The following ZNF430 variants were observed in gnomAD, a reference collection of about 807,000 sequenced individuals.
ZNF430 encodes zinc finger protein 430.
ZNF430 carries 35 observed loss-of-function variants against 56.7 expected under a neutral mutation model. The ratio of observed to expected loss-of-function variants is 0.62; its 90% CI spans 0.47 to 0.82. ZNF430 has a LOEUF of 0.82. Ranked by LOEUF, ZNF430 falls within the 40% of genes least tolerant of loss-of-function variation. The pLI is 0.00. For synonymous variants in ZNF430, 212 were observed against 224.3 expected, an observed-to-expected ratio of 0.94 and a Z score of 0.49; for missense variants, 574 against 661.0, an observed-to-expected ratio of 0.87 and a Z score of 1.44.
At chr19:21,048,618 A>T (rs1968225168) in intron 4 of ZNF430, among the ~76,000 whole-genome samples, 1 of 152,124 alleles carries the variant, frequency 6.6e-6, no homozygotes, top group Non-Finnish European at 1.5e-5. Flanking sequence ...TGATTTCTCT[A>T]TCTTTTCCCC....
chr19:21,029,265 C>A (rs182366608), intron 2 of ZNF430, among the ~76,000 whole-genome samples: 44 of 152,146 alleles, frequency 2.9e-4, no homozygotes, highest in Non-Finnish European at 4.7e-4. Context: ...AAATTGGGGC[C>A]ACTGTTTTAT....
intron 4 of ZNF430, among the ~76,000 whole-genome samples, chr19:21,041,698 A>C (rs1391324833): frequency 1.6e-5 from 2 of 125,570 alleles, no homozygotes; most frequent in Non-Finnish European, 3.3e-5. Flanking sequence ...GTTCCCCTCT[A>C]TGTGTCCATG....
chr19:21,028,344 A>G (rs1967841148), intron 2 of ZNF430, among the ~76,000 whole-genome samples: 1 of 152,212 alleles, frequency 6.6e-6, no homozygotes, highest in Non-Finnish European at 1.5e-5. Context: ...TAATGTATCC[A>G]TAGCCATGAC....
In ZNF430 at chr19:21,048,106, T is replaced by C. The variant is rs560688902; in HGVS notation, c.323-8525T>C. ...TTTTTTGCATACTTTTTATAAATAT[T>C]ATGTAATCACCTTGAAGTATAATGT... On this transcript the variant is annotated intron_variant, in intron 4 of 4. Transcript: ENST00000261560. 4.6e-5 allele frequency among the ~76,000 whole-genome samples: 7 copies of C among 151,342 alleles called. No homozygotes were observed. The South Asian group carries it at 1.0e-3, about 23-fold the overall frequency.
Position 21,022,833 on chromosome 19 carries a change from A to G in ZNF430, c.48A>G (p.Gly16=). 6.2e-7 allele frequency: 1 copy of G among 1,614,048 alleles called. No homozygotes were observed. The change falls in exon 2 of 5, where the codon GGA becomes GGG. Residue 16 remains glycine, a synonymous_variant. Transcript: ENST00000261560. ...TGTATCCTCTCAAGGAAGCAAGTGG[A>G]TGCCCTGGGGCTGACAGGAATCTTC... ...SGVYPLKEAS[G]CPGADRNLLV...
intron 4 of ZNF430, among the ~76,000 whole-genome samples, chr19:21,050,825 C>G (rs1968271511): frequency 6.6e-6 from 1 of 152,102 alleles, no homozygotes. Context: ...GTCAGGAGTT[C>G]AAGACCAGTC....
chr19:21,051,210 TC>T (rs1188505151), intron 4 of ZNF430, among the ~76,000 whole-genome samples: 1 of 152,220 alleles, frequency 6.6e-6, no homozygotes, highest in East Asian at 1.9e-4. Context: ...TGTAACTGTT[TC>T]ATGTATCTTC....
At position 21,020,786 on chromosome 19, in the gene ZNF430, C is replaced by G. The variant is rs73546306; in HGVS notation, c.-15C>G. 1.9e-6 allele frequency: 3 copies of G among 1,613,784 alleles called. No homozygotes were observed. Among genetic ancestry groups the G allele is most frequent in the African/African-American group, 1.3e-5 (1 of 74,998 alleles). ...ATCTACAGCTAAGACGCCAGGAACC[C>G]CTGGAAGCCTAGAAATGGTGAGAGT... is the stretch of plus-strand genomic sequence containing the variant. On this transcript the variant is annotated 5_prime_UTR_variant, in exon 1 of 5. Transcript: ENST00000261560.
chr19:21,024,018 A>G (rs1331604486), intron 2 of ZNF430, among the ~76,000 whole-genome samples: 1 of 152,236 alleles, frequency 6.6e-6, no homozygotes, highest in Non-Finnish European at 1.5e-5. Context: ...TTTCAAACAC[A>G]TAGTTTCAAA....
intron 4 of ZNF430, among the ~76,000 whole-genome samples, chr19:21,045,530 A>G (rs935832507): frequency 2.0e-5 from 3 of 152,178 alleles, no homozygotes; most frequent in African/African-American, 7.2e-5. Context: ...GACACTTAGG[A>G]GAATGTGTAT....
At chr19:21,027,944 C>T (rs908144742) in intron 2 of ZNF430, among the ~76,000 whole-genome samples, 2 of 152,174 alleles carry the variant, frequency 1.3e-5, no homozygotes, top group Non-Finnish European at 2.9e-5. Flanking sequence ...GTTGCCTCAG[C>T]TTTTTCCTTT....
chr19:21,021,823 A>ATTTTTTTTTTT lies in ZNF430; in HGVS notation c.4-946_4-936dup, dbSNP rs71174785. ...TTTCAAAACGATGCGCCTGAGTTAG[A>ATTTTTTTTTTT]TTTTTTTTTTTTTTTTTTTTTTTTT... On this transcript the variant is annotated intron_variant, in intron 1 of 4. Transcript: ENST00000261560. 4.4e-4 allele frequency among the ~76,000 whole-genome samples: 38 copies of ATTTTTTTTTTT among 85,706 alleles called. 6 individuals are homozygous for ATTTTTTTTTTT. Among genetic ancestry groups the ATTTTTTTTTTT allele is most frequent in the African/African-American group, 1.9e-3 (36 of 18,812 alleles). The allele number at this position is 85,706 out of a possible 152,430, so 56.2% of individuals were successfully genotyped here.
intron 2 of ZNF430, among the ~76,000 whole-genome samples, chr19:21,029,636 C>T (rs767815622): frequency 7.2e-5 from 11 of 152,038 alleles, no homozygotes; most frequent in South Asian, 6.2e-4. Flanking sequence ...TGTCTGGCCC[C>T]GCTCTGGAGC....
At chr19:21,039,995 C>T (rs1474947224) in intron 4 of ZNF430, among the ~76,000 whole-genome samples, 1 of 152,046 alleles carries the variant, frequency 6.6e-6, no homozygotes, top group African/African-American at 2.4e-5. Context: ...CACTACCGTG[C>T]CTCGCTAATT....
At position 21,057,984 on chromosome 19, in the gene ZNF430, A is replaced by G; in HGVS notation, c.1676A>G (p.Gln559Arg). Residue 559 changes from glutamine to arginine, a missense_variant, in exon 5 of 5, where the codon CAA becomes CGA. Physicochemically the swap from Gln to Arg is conservative, Grantham distance 43. This residue lies in a region of ZNF430 where 213 missense variants were observed against 221.0 expected (regional missense o/e 0.96). Transcript: ENST00000261560. ...AFNQSSNLIEQSNSYWRETLQ... is the reference protein window; with the variant it reads ...AFNQSSNLIERSNSYWRETLQ... The stretch of plus-strand genomic sequence containing the variant: ...AACCAGTCCTCAAACCTTATTGAAC[A>G]AAGTAATTCATACTGGAGAGAAACC... 6.2e-7 allele frequency: 1 copy of G among 1,612,528 alleles called. No homozygotes were observed. Among genetic ancestry groups the G allele is most frequent in the South Asian group, 1.1e-5 (1 of 90,826 alleles).
chr19:21,025,633 C>T (rs1967778210), intron 2 of ZNF430, among the ~76,000 whole-genome samples: 1 of 152,022 alleles, frequency 6.6e-6, no homozygotes, highest in Non-Finnish European at 1.5e-5. Context: ...GTTGCCCAGG[C>T]TGGAGTGCAA....
intron 4 of ZNF430, among the ~76,000 whole-genome samples, chr19:21,055,369 T>C (rs1968356420): frequency 6.6e-6 from 1 of 152,152 alleles, no homozygotes; most frequent in Non-Finnish European, 1.5e-5. Flanking sequence ...GTTGCTAGAA[T>C]GTGTCTTGTC....
intron 2 of ZNF430, 82 bp downstream of exon 2, chr19:21,022,963 A>T: frequency 4.9e-6 from 5 of 1,025,558 alleles, no homozygotes; most frequent in Non-Finnish European, 7.7e-6. Flanking sequence ...AACCAATCAG[A>T]CTGTGGCATT....
Position 21,056,902 on chromosome 19 carries a change from A to G in ZNF430, c.594A>G (p.Arg198=), listed in dbSNP as rs1968388225. 1 of 1,612,218 alleles carries G rather than the reference A, an allele frequency of 6.2e-7. No homozygotes were observed. The highest frequency in any genetic ancestry group is 1.3e-5 in the African/African-American group (1 of 74,834). ...CAAATCCAAATATACAAAAGATAAGACATACTGGAAAGAAGCCTTTCAAAT... is the reference window on the plus strand; with the variant it reads ...CAAATCCAAATATACAAAAGATAAGGCATACTGGAAAGAAGCCTTTCAAAT... ...KFSNPNIQKI[R]HTGKKPFKCK... is the part of the protein sequence containing the mutation. Residue 198 remains arginine (R), a synonymous_variant, in exon 5 of 5, where the codon AGA becomes AGG. Coordinates refer to ENST00000261560, the MANE Select transcript of ZNF430 (RefSeq NM_025189.4).
Sources: allele counts gnomAD v4.1 joint callset (sites outside exome capture counted in the v4.1 genomes callset), GRCh38; gene constraint gnomAD v4.1.1; regional missense constraint gnomAD v4.1.1; transcripts MANE v1.5; gene names NCBI Gene and HGNC (gene_info 2026-07-23, HGNC 2026-07-21).